The following PPP1R12A variants were observed in gnomAD, a reference collection of about 807,000 sequenced individuals.
The protein encoded by PPP1R12A is myosin binding subunit.
In PPP1R12A, 19 loss-of-function variants were observed where a neutral mutation model predicts 139.6. The ratio of observed to expected loss-of-function variants is 0.14; its 90% CI spans 0.09 to 0.20. The LOEUF (loss-of-function observed/expected upper bound fraction) is 0.20. Ranked by LOEUF, PPP1R12A falls within the 10% of genes least tolerant of loss-of-function variation. The pLI is 1.00. For synonymous variants in PPP1R12A, 427 were observed against 420.6 expected, an observed-to-expected ratio of 1.02 and a Z score of -0.19; for missense variants, 925 against 1,211.5, an observed-to-expected ratio of 0.76 and a Z score of 3.51.
intron 2 of PPP1R12A, among the ~76,000 whole-genome samples, chr12:79,858,887 C>G (rs943225155): frequency 3.9e-5 from 6 of 152,112 alleles, no homozygotes; most frequent in Admixed American, 2.0e-4. Context: ...TGGCTTCTAC[C>G]CTGAATGCAG....
Position 79,866,889 on chromosome 12 carries a change from A to T in PPP1R12A, c.368+5919T>A, listed in dbSNP as rs138160515. ...GTTGGTGGGAGTGTAAATTAGTTCA[A>T]CCATTATGGAAGACAGTGTGGCGAT... On this transcript the variant is annotated intron_variant, in intron 2 of 24. Transcript: ENST00000450142. Among the ~76,000 whole-genome samples, 791 of 152,308 alleles carry T rather than the reference A, an allele frequency of 5.2e-3. 5 individuals carry two copies. Among genetic ancestry groups the T allele is most frequent in the African/African-American group, 0.018 (751 of 41,560 alleles).
intron 1 of PPP1R12A, among the ~76,000 whole-genome samples, chr12:79,900,070 A>G (rs1885495122): frequency 6.6e-6 from 1 of 152,202 alleles, no homozygotes. Context: ...TGCAATATTT[A>G]CAGCAGAATG....
intron 1 of PPP1R12A, among the ~76,000 whole-genome samples, chr12:79,929,340 C>T (rs1013836962): frequency 6.6e-6 from 1 of 152,130 alleles, no homozygotes; most frequent in Non-Finnish European, 1.5e-5. Flanking sequence ...TGTGAACCCC[C>T]GCTCTAGAGG....
chr12:79,900,842 T>C (rs1592796569), intron 1 of PPP1R12A, among the ~76,000 whole-genome samples: 1 of 152,178 alleles, frequency 6.6e-6, no homozygotes, highest in Non-Finnish European at 1.5e-5. Context: ...TAACTATTCA[T>C]CTGGGTATCC....
chr12:79,838,341 A>C (rs567115575), intron 3 of PPP1R12A, among the ~76,000 whole-genome samples: 6 of 152,356 alleles, frequency 3.9e-5, no homozygotes, highest in Admixed American at 3.9e-4. Flanking sequence ...GCAGAGCATA[A>C]AAGTATGAAA....
At chr12:79,853,130 C>A (rs1391714592) in intron 2 of PPP1R12A, among the ~76,000 whole-genome samples, 1 of 152,116 alleles carries the variant, frequency 6.6e-6, no homozygotes, top group African/African-American at 2.4e-5. Context: ...CCCTACTTGG[C>A]CTTTGCAGCT....
chr12:79,866,150 C>G (rs944869337), intron 2 of PPP1R12A, among the ~76,000 whole-genome samples: 1 of 152,160 alleles, frequency 6.6e-6, no homozygotes, highest in Non-Finnish European at 1.5e-5. Flanking sequence ...GAACAGAGGC[C>G]TCAGAAATAA....
chr12:79,805,737 T>A lies in PPP1R12A; in HGVS notation c.1855A>T (p.Thr619Ser). ...TSNRLWAEDSTEKEKDSVPTA... is the reference protein window; with the variant it reads ...TSNRLWAEDSSEKEKDSVPTA... ...GGAACACTGTCCTTTTCTTTCTCAG[T>A]ACTATCCTCAGCCCACAAACGATTT... The change falls in exon 14 of 25, where the codon ACT becomes TCT. Residue 619 changes from threonine to serine, a missense_variant. Transcript: ENST00000450142. 6.2e-7 allele frequency: 1 copy of A among 1,613,198 alleles called. No individual in the cohort carries two copies. The highest frequency in any genetic ancestry group is 8.5e-7 in the Non-Finnish European group (1 of 1,179,470).
At chr12:79,832,717 T>C (rs1877573527) in intron 3 of PPP1R12A, 1 of 354,256 alleles carries the variant, frequency 2.8e-6, no homozygotes, top group East Asian at 4.7e-5. Flanking sequence ...CACAATACTA[T>C]TTTGATCTTA....
chr12:79,872,481 G>A (rs371183387), intron 2 of PPP1R12A, among the ~76,000 whole-genome samples: 1 of 152,044 alleles, frequency 6.6e-6, no homozygotes, highest in Non-Finnish European at 1.5e-5. Context: ...GATTATAAAG[G>A]AATGAGTTAG....
chr12:79,821,194 TAAG>T, intron 6 of PPP1R12A, 28 bp from the exon 7 acceptor site: 1 of 1,489,052 alleles, frequency 6.7e-7, no homozygotes, highest in South Asian at 1.2e-5. Flanking sequence ...CAAAGGAAAA[TAAG>T]AAAACTATTA....
At chr12:79,899,287 C>T (rs1334798492) in intron 1 of PPP1R12A, among the ~76,000 whole-genome samples, 18 of 147,250 alleles carry the variant, frequency 1.2e-4, no homozygotes, top group African/African-American at 4.5e-4. Context: ...TATATATTCA[C>T]TGTCTTATCA....
intron 14 of PPP1R12A, among the ~76,000 whole-genome samples, chr12:79,805,025 CT>C (rs1873652943): frequency 6.6e-6 from 1 of 152,110 alleles, no homozygotes; most frequent in Non-Finnish European, 1.5e-5. Context: ...TAAATTCAGA[CT>C]CTTTGAAAAA....
At position 79,821,172 on chromosome 12, in the gene PPP1R12A, T is replaced by C; in HGVS notation, c.868-6A>G. The C allele has an allele frequency of 6.3e-7, 1 of 1,598,190 alleles. No homozygotes were observed. On this transcript the variant is annotated splice_region_variant and splice_polypyrimidine_tract_variant and intron_variant, in intron 6 of 24. Transcript: ENST00000450142. ...TCCCGTTTTTCACTATGGAGCTTTG[T>C]ACAAAGTTATGCAAAGGAAAATAAG...
At position 79,872,871 on chromosome 12, in the gene PPP1R12A, G is replaced by A; in HGVS notation, c.305C>T (p.Pro102Leu). Reference protein sequence around the residue: ...LVENGANINQPDNEGWIPLHA... With the variant: ...LVENGANINQLDNEGWIPLHA... ...TAGTGGTATCCAGCCTTCATTATCA[G>A]GTTGATTAATATTTGCTCCATTTTC... The change falls in exon 2 of 25, where the codon CCT (proline) becomes CTT (leucine). Residue 102 changes from proline (P) to leucine (L), a missense_variant. By Grantham distance (98) the Pro-to-Leu change is moderately conservative. Transcript: ENST00000450142. 2 of 1,613,242 alleles carry A rather than the reference G, an allele frequency of 1.2e-6. No individual in the cohort carries two copies. Among genetic ancestry groups the A allele is most frequent in the South Asian group, 1.1e-5 (1 of 91,062 alleles).
chr12:79,815,727 T>G (rs968045041), intron 9 of PPP1R12A, among the ~76,000 whole-genome samples: 1 of 152,182 alleles, frequency 6.6e-6, no homozygotes, highest in Non-Finnish European at 1.5e-5. Context: ...ATTAACAGTC[T>G]TCAAAATTTT....
intron 9 of PPP1R12A, among the ~76,000 whole-genome samples, chr12:79,814,485 AAAAAAAAAAAAAAAAG>A (rs1230920183): frequency 6.9e-6 from 1 of 144,572 alleles, no homozygotes; most frequent in Non-Finnish European, 1.5e-5. Flanking sequence ...TCAAAAAAAA[AAAAAAAAAAAAAAAAG>A]GACTCCCCCT....
chr12:79,802,585 C>A (rs1281425407), intron 14 of PPP1R12A, among the ~76,000 whole-genome samples: 1 of 152,060 alleles, frequency 6.6e-6, no homozygotes, highest in Non-Finnish European at 1.5e-5. Context: ...GAGTTTGAGA[C>A]CAGCCTAGGC....
intron 2 of PPP1R12A, among the ~76,000 whole-genome samples, chr12:79,853,828 G>A (rs1361119270): frequency 6.6e-6 from 1 of 152,188 alleles, no homozygotes; most frequent in Non-Finnish European, 1.5e-5. Context: ...ACAATTCTAA[G>A]ATGCACATTT....
Sources: allele counts gnomAD v4.1 joint callset (sites outside exome capture counted in the v4.1 genomes callset), GRCh38; gene constraint gnomAD v4.1.1; transcripts MANE v1.5; gene names NCBI Gene and HGNC (gene_info 2026-07-23, HGNC 2026-07-21).